The following ITGAX variants were observed in gnomAD, a reference collection of about 807,000 sequenced individuals.
ITGAX encodes the protein integrin subunit alpha X.
ITGAX carries 99 observed loss-of-function variants against 140.2 expected under a neutral mutation model. The ratio of observed to expected loss-of-function variants is 0.71; its 90% CI spans 0.60 to 0.83. The LOEUF is 0.83. Among genes scored for constraint, ITGAX ranks in the 40% least tolerant of loss-of-function variants. The probability of loss-of-function intolerance (pLI) is 0.00; values close to 1 mark genes in which losing one functional copy is unlikely to be tolerated. For synonymous variants in ITGAX, 631 were observed against 600.4 expected, an observed-to-expected ratio of 1.05 and a Z score of -0.75; for missense variants, 1,444 against 1,482.0, an observed-to-expected ratio of 0.97 and a Z score of 0.42.
intron 14 of ITGAX, among the ~76,000 whole-genome samples, chr16:31,364,083 C>G (rs573479346): frequency 6.6e-6 from 1 of 152,088 alleles, no homozygotes; most frequent in Non-Finnish European, 1.5e-5. Flanking sequence ...TCCCTGAGAA[C>G]GAAGGGCTGC....
chr16:31,371,558 C>A, intron 16 of ITGAX, 61 bp downstream of exon 16: 1 of 1,609,848 alleles, frequency 6.2e-7, no homozygotes, highest in Non-Finnish European at 8.5e-7. Flanking sequence ...ATCCCAGGCC[C>A]CTGTCTCCCA....
At chr16:31,371,818 G>A (rs372578321) in intron 17 of ITGAX, 34 bp downstream of exon 17, 151 of 1,605,700 alleles carry the variant, frequency 9.4e-5, no homozygotes, top group East Asian at 1.3e-4. Context: ...TGGCGGCCGC[G>A]CTGGGGCTGG....
chr16:31,369,828 C>G (rs2080936965), intron 14 of ITGAX, among the ~76,000 whole-genome samples: 1 of 151,914 alleles, frequency 6.6e-6, no homozygotes, highest in African/African-American at 2.4e-5. Flanking sequence ...TCATGTCACT[C>G]AGGCTGGAGT....
chr16:31,380,287 C>T lies in ITGAX; in HGVS notation c.3082C>T (p.Leu1028=), dbSNP rs756222024. 1 of 1,614,200 alleles carries T rather than the reference C, an allele frequency of 6.2e-7. No individual in the cohort carries two copies. Among genetic ancestry groups the T allele is most frequent in the Non-Finnish European group, 8.5e-7 (1 of 1,180,026 alleles). ...PVLDCSIAGC[L]RFRCDVPSFS... ...CCAGGACTGCTCCATTGCTGGCTGC[C>T]TGCGGTTCCGCTGTGACGTCCCCTC... Residue 1028 remains leucine (L), a synonymous_variant, in exon 27 of 30, where the codon CTG becomes TTG. Coordinates refer to ENST00000268296, the MANE Select transcript of ITGAX (RefSeq NM_000887.5).
chr16:31,371,249 G>T, intron 15 of ITGAX, 35 bp downstream of exon 15: 1 of 1,604,472 alleles, frequency 6.2e-7, no homozygotes. Context: ...TCCCCAGGTG[G>T]TCCTAGGTTC....
In ITGAX at chr16:31,355,828, G is replaced by A. The variant is rs2080753254; in HGVS notation, c.38-65G>A. 1.7e-5 allele frequency: 22 copies of A among 1,285,998 alleles called. No individual in the cohort carries two copies. In the South Asian group the frequency reaches 2.3e-4, roughly 13 times the overall value. 79.7% of individuals were successfully genotyped at this position (1,285,998 alleles called of 1,614,324 possible). A position where few individuals can be genotyped will look rare whatever the true frequency, so the allele number is the denominator to read the frequency against. On this transcript the variant is annotated intron_variant, in intron 1 of 29. Transcript: ENST00000268296. ...GGGGAGATTGGGACGCTGGGGCCGGGGGTGGAGGGCAGCCAGGCAGAAGGA... is the reference window on the plus strand; with the variant it reads ...GGGGAGATTGGGACGCTGGGGCCGGAGGTGGAGGGCAGCCAGGCAGAAGGA...
At position 31,380,019 on chromosome 16, in the gene ITGAX, C is replaced by T. The variant is rs1487232898; in HGVS notation, c.3014C>T (p.Pro1005Leu). 2 of 1,614,172 alleles carry T rather than the reference C, an allele frequency of 1.2e-6. No homozygotes were observed. Residue 1005 changes from proline to leucine, a missense_variant, in exon 26 of 30, where the codon CCC becomes CTC. Coordinates refer to ENST00000268296, the MANE Select transcript of ITGAX (RefSeq NM_000887.5). ...CGGTGCTCCTCAGAGAAAATCGCAC[C>T]CCCAGCATCTGACTTCCTGGCGCAC... The part of the protein sequence containing the change: ...SLRCSSEKIA[P>L]PASDFLAHIQ...
intron 21 of ITGAX, 25 bp from the exon 22 acceptor site, chr16:31,376,975 T>C (rs1567307086): frequency 1.2e-6 from 2 of 1,614,008 alleles, no homozygotes; most frequent in Non-Finnish European, 1.7e-6. Context: ...TACTGCTCTG[T>C]GACCTCTCAG....
chr16:31,362,939 G>T lies in ITGAX; in HGVS notation c.1364G>T (p.Gly455Val). The T allele has an allele frequency of 6.2e-7, 1 of 1,611,808 alleles. No homozygotes were observed. Among genetic ancestry groups the T allele is most frequent in the Non-Finnish European group, 8.5e-7 (1 of 1,179,770 alleles). The change falls in exon 13 of 30, where the codon GGC becomes GTC. Residue 455 changes from glycine (G) to valine (V), a missense_variant. Coordinates refer to ENST00000268296, the MANE Select transcript of ITGAX (RefSeq NM_000887.5). Reference sequence around the variant, plus strand: ...GACCCAGGCTCTGCCCTTCAGATCGGCTCCTACTTCGGGGCCTCCCTCTGC... The same window carrying T: ...GACCCAGGCTCTGCCCTTCAGATCGTCTCCTACTTCGGGGCCTCCCTCTGC... The part of the protein sequence containing the change: ...MKAEVTGTQI[G>V]SYFGASLCSV...
chr16:31,363,401 T>A, intron 14 of ITGAX, 27 bp downstream of exon 14: 1 of 1,610,300 alleles, frequency 6.2e-7, no homozygotes, highest in Non-Finnish European at 8.5e-7. Context: ...TTTCTGTCAC[T>A]AGAGCAGCCT....
chr16:31,380,433 T>A, intron 27 of ITGAX, 54 bp downstream of exon 27: 2 of 1,611,032 alleles, frequency 1.2e-6, no homozygotes. Flanking sequence ...GGACCTGGCA[T>A]GTCTGTGCCC....
chr16:31,357,356 C>T lies in ITGAX; in HGVS notation c.422C>T (p.Ser141Phe). The T allele has an allele frequency of 1.3e-6, 2 of 1,599,336 alleles. No individual in the cohort carries two copies. The highest frequency in any genetic ancestry group is 1.7e-6 in the Non-Finnish European group (2 of 1,173,170). Reference protein sequence around the residue: ...PTQLTQRLPVSRQECPRQEQD... With the variant: ...PTQLTQRLPVFRQECPRQEQD... ...CAGCTCACCCAGAGGCTCCCGGTGTCCAGGCAGGGTGAGTGTCGGGACCAC... is the reference window on the plus strand; with the variant it reads ...CAGCTCACCCAGAGGCTCCCGGTGTTCAGGCAGGGTGAGTGTCGGGACCAC... Residue 141 changes from serine to phenylalanine, a missense_variant, in exon 5 of 30, where the codon TCC becomes TTC. Transcript: ENST00000268296.
Position 31,371,340 on chromosome 16 carries a change from A to G in ITGAX, c.1848A>G (p.Arg616=), listed in dbSNP as rs1315518671. The G allele has an allele frequency of 1.2e-6, 2 of 1,613,924 alleles. No individual in the cohort carries two copies. Among genetic ancestry groups the G allele is most frequent in the East Asian group, 2.2e-5 (1 of 44,866 alleles). The part of the protein sequence containing the change: ...ARGQVLLLRT[R]PVLWVGVSMQ... ...CTCGGTGCTCTGCCCGCAGGACCAGACCTGTGCTCTGGGTGGGGGTGAGCA... is the reference window on the plus strand; with the variant it reads ...CTCGGTGCTCTGCCCGCAGGACCAGGCCTGTGCTCTGGGTGGGGGTGAGCA... Residue 616 remains arginine (R), a synonymous_variant, in exon 16 of 30, where the codon AGA becomes AGG. Coordinates refer to ENST00000268296, the MANE Select transcript of ITGAX (RefSeq NM_000887.5).
chr16:31,360,397 C>T lies in ITGAX; in HGVS notation c.795C>T (p.Asp265=). The change falls in exon 8 of 30, where the codon GAC becomes GAT. Residue 265 remains aspartate, a synonymous_variant. Coordinates refer to ENST00000268296, the MANE Select transcript of ITGAX (RefSeq NM_000887.5). ...IVITDGKKEG[D]SLDYKDVIPM... Reference sequence around the variant, plus strand: ...TCACTGATGGGAAGAAAGAAGGCGACAGCCTGGATTATAAGGATGTCATCC... The same window carrying T: ...TCACTGATGGGAAGAAAGAAGGCGATAGCCTGGATTATAAGGATGTCATCC... 1.9e-6 allele frequency: 3 copies of T among 1,613,968 alleles called. No homozygotes were observed. The highest frequency in any genetic ancestry group is 2.5e-6 in the Non-Finnish European group (3 of 1,179,994).
At chr16:31,363,452 C>G in intron 14 of ITGAX, 78 bp downstream of exon 14, 5 of 1,513,330 alleles carry the variant, frequency 3.3e-6, no homozygotes, top group Non-Finnish European at 4.6e-6. Context: ...GAAAACTGTC[C>G]CTTTTTACCT....
Position 31,382,552 on chromosome 16 carries a change from C to T in ITGAX, c.*645C>T, listed in dbSNP as rs527481186. 4.2e-5 allele frequency: 40 copies of T among 953,988 alleles called. No individual in the cohort carries two copies. The East Asian group carries it at 4.7e-4, about 11-fold the overall frequency. 59.1% of individuals were successfully genotyped at this position (953,988 alleles called of 1,614,324 possible). A position where few individuals can be genotyped will look rare whatever the true frequency, so the allele number is the denominator to read the frequency against. On this transcript the variant is annotated 3_prime_UTR_variant, in exon 30 of 30. Coordinates refer to ENST00000268296, the MANE Select transcript of ITGAX (RefSeq NM_000887.5). ...CCATCCCAGAGGGTGGGCTTCAGGG[C>T]GCACAGCATGAGAGGCTCTGTGCCC...
At chr16:31,376,966 A>T in intron 21 of ITGAX, 34 bp from the exon 22 acceptor site, 1 of 1,613,528 alleles carries the variant, frequency 6.2e-7, no homozygotes, top group Non-Finnish European at 8.5e-7. Flanking sequence ...CCCTGTCTTT[A>T]CTGCTCTGTG....
chr16:31,360,121 C>A, intron 7 of ITGAX, 56 bp downstream of exon 7: 2 of 1,595,918 alleles, frequency 1.3e-6, no homozygotes, highest in Non-Finnish European at 8.5e-7. Context: ...TTCCCTTGGG[C>A]CTCATCTGTC....
At chr16:31,379,141 T>G (rs1365599081) in intron 23 of ITGAX, among the ~76,000 whole-genome samples, 1 of 151,098 alleles carries the variant, frequency 6.6e-6, no homozygotes, top group Non-Finnish European at 1.5e-5. Context: ...CTGTTTTTTT[T>G]TGAGAGAGAG....
Sources: allele counts gnomAD v4.1 joint callset (sites outside exome capture counted in the v4.1 genomes callset), GRCh38; gene constraint gnomAD v4.1.1; transcripts MANE v1.5; gene names NCBI Gene and HGNC (gene_info 2026-07-23, HGNC 2026-07-21).